Variants in NCBP1 observed in about 807,000 individuals in gnomAD.
The protein encoded by NCBP1 is nuclear cap-binding protein subunit 1.
A neutral mutation model predicts 111.7 loss-of-function variants in NCBP1; 16 were observed. The observed-to-expected ratio is 0.14, with a 90% CI of 0.10 to 0.22. The LOEUF (loss-of-function observed/expected upper bound fraction) is 0.22. NCBP1 is among the 10% of genes least tolerant of loss of function. The probability of loss-of-function intolerance (pLI) is 1.00; values close to 1 mark genes in which losing one functional copy is unlikely to be tolerated. For missense variants in NCBP1, 607 were observed against 957.5 expected, an observed-to-expected ratio of 0.63 and a Z score of 4.83; for synonymous variants, 304 against 314.3, an observed-to-expected ratio of 0.97 and a Z score of 0.35.
chr9:97,637,095 G>A (rs138406369), intron 1 of NCBP1, among the ~76,000 whole-genome samples: 1 of 152,270 alleles, frequency 6.6e-6, no homozygotes, highest in Admixed American at 6.5e-5. Flanking sequence ...GGGGGAAGTT[G>A]TAGGAGATAA....
At chr9:97,635,428 T>TTTTTTC (rs1826988838) in intron 1 of NCBP1, among the ~76,000 whole-genome samples, 1 of 148,142 alleles carries the variant, frequency 6.8e-6, no homozygotes, top group East Asian at 1.9e-4. Context: ...TTTTTTTTTT[T>TTTTTTC]CTGAGACGGA....
rs1338585549 is a variant in NCBP1 at position 97,640,900 on chromosome 9, C to T, written c.123+18C>T. ...GAGAAAAGGTATGTCACACAATAGG[C>T]ACAGGCTGTGATGGGTTTAAGAATG... On this transcript the variant is annotated intron_variant, in intron 2 of 22. Transcript: ENST00000375147. The T allele has an allele frequency of 4.5e-6, 7 of 1,543,850 alleles. No homozygotes were observed. In the East Asian group the frequency reaches 1.6e-4, roughly 35 times the overall value.
At chr9:97,641,823 CTCTTTT>C (rs1013285302) in intron 3 of NCBP1, 161 bp downstream of exon 3, 1 of 508,554 alleles carries the variant, frequency 2.0e-6, no homozygotes, top group African/African-American at 2.1e-5. Context: ...CTTTGGCGAA[CTCTTTT>C]TCTTAGGGAT....
chr9:97,636,488 ATATAAATTTATATTTATATAT>A (rs34147906), intron 1 of NCBP1, among the ~76,000 whole-genome samples: 80,165 of 143,352 alleles, frequency 0.56, 23,741 homozygotes, highest in Middle Eastern at 0.68. Context: ...TTTATATATT[ATATAAATTTATATTTATATAT>A]TATAAATTTA....
Position 97,668,857 on chromosome 9 carries a change from T to C in NCBP1, c.2028T>C (p.Asp676=), listed in dbSNP as rs999879920. ...LARQHKRRSD[D]DDRSSDRKDG... is the part of the protein sequence containing the mutation. ...TTTGCCTTCTATAGCGAAGTGATGA[T>C]GACGACAGAAGCAGTGACAGGAAAG... Residue 676 remains aspartate, a synonymous_variant, in exon 21 of 23, where the codon GAT becomes GAC. Transcript: ENST00000375147. 2.0e-5 allele frequency: 32 copies of C among 1,611,496 alleles called. No individual in the cohort carries two copies. Among genetic ancestry groups the C allele is most frequent in the East Asian group, 8.9e-5 (4 of 44,858 alleles).
At chr9:97,657,885 G>GCGCT (rs1554694967) in intron 14 of NCBP1, among the ~76,000 whole-genome samples, 94 of 113,996 alleles carry the variant, frequency 8.2e-4, no homozygotes, top group Middle Eastern at 5.3e-3. Flanking sequence ...GCCCCGGTAA[G>GCGCT]CTCTCTCTCT....
chr9:97,654,511 G>GA, intron 11 of NCBP1, among the ~76,000 whole-genome samples: 1 of 151,822 alleles, frequency 6.6e-6, no homozygotes, highest in African/African-American at 2.4e-5. Flanking sequence ...GATGCCATTG[G>GA]AAAAATGGTG....
In NCBP1 at chr9:97,663,119, T is replaced by C; in HGVS notation, c.1797+72T>C. The C allele has an allele frequency of 2.6e-6, 3 of 1,160,610 alleles. No homozygotes were observed. The South Asian group carries it at 4.1e-5, about 16-fold the overall frequency. 71.9% of individuals were successfully genotyped at this position (1,160,610 alleles called of 1,614,324 possible). On this transcript the variant is annotated intron_variant, in intron 18 of 22. Coordinates refer to ENST00000375147, the MANE Select transcript of NCBP1 (RefSeq NM_002486.5). ...ATAAAAATAAGGCCGTTAATTGCCA[T>C]TGTTTTGTTTGTAAAACATGAAATT...
In NCBP1 at chr9:97,673,323, C is replaced by T. The variant is rs966566334; in HGVS notation, c.*2124C>T. 6.6e-6 allele frequency: 1 copy of T among 152,040 alleles called. No homozygotes were observed. The highest frequency in any genetic ancestry group is 1.5e-5 in the Non-Finnish European group (1 of 68,006). 9.4% of individuals were successfully genotyped at this position (152,040 alleles called of 1,614,324 possible). ...GGGTCAACTGTAGTTTAAAATGACT[C>T]CTGTCTCAAAAAACCAAAGGATAAC... On this transcript the variant is annotated 3_prime_UTR_variant, in exon 23 of 23. Coordinates refer to ENST00000375147, the MANE Select transcript of NCBP1 (RefSeq NM_002486.5).
Position 97,650,491 on chromosome 9 carries a change from T to C in NCBP1, c.898-12T>C. The C allele has an allele frequency of 6.2e-7, 1 of 1,608,184 alleles. No individual in the cohort carries two copies. The highest frequency in any genetic ancestry group is 1.3e-5 in the African/African-American group (1 of 74,868). On this transcript the variant is annotated splice_polypyrimidine_tract_variant and intron_variant, in intron 8 of 22. Transcript: ENST00000375147. ...CTAGGCCTGTAGTGTACACATTTGG[T>C]TTTCTTTCCAGGGTCCTGTCATGCC... is the stretch of plus-strand genomic sequence containing the variant.
At chr9:97,663,565 ACCTCCG>A (rs1827901098) in intron 18 of NCBP1, among the ~76,000 whole-genome samples, 1 of 151,778 alleles carries the variant, frequency 6.6e-6, no homozygotes, top group African/African-American at 2.4e-5. Context: ...GCTCACTGCA[ACCTCCG>A]CCTCCCGGGT....
intron 6 of NCBP1, among the ~76,000 whole-genome samples, chr9:97,646,293 A>G (rs1199781156): frequency 1.3e-5 from 2 of 152,152 alleles, no homozygotes; most frequent in Non-Finnish European, 2.9e-5. Flanking sequence ...ATGTCTTCCC[A>G]TTACTCATCT....
intron 1 of NCBP1, 133 bp from the exon 2 acceptor site, chr9:97,640,661 G>A (rs551676757): frequency 4.6e-4 from 287 of 627,904 alleles, no homozygotes; most frequent in Non-Finnish European, 6.8e-4. Context: ...GAGAAATGGA[G>A]GGTCTGTGAA....
chr9:97,638,029 TCTTGC>T (rs943356123), intron 1 of NCBP1, among the ~76,000 whole-genome samples: 23 of 152,340 alleles, frequency 1.5e-4, no homozygotes, highest in African/African-American at 5.5e-4. Context: ...AAAAATCTGT[TCTTGC>T]CTTGGGAACT....
intron 6 of NCBP1, among the ~76,000 whole-genome samples, chr9:97,645,954 A>C (rs996146296): frequency 6.6e-6 from 1 of 152,242 alleles, no homozygotes; most frequent in African/African-American, 2.4e-5. Context: ...AGCTTCTTTT[A>C]AGCTGCTTTT....
intron 6 of NCBP1, among the ~76,000 whole-genome samples, chr9:97,646,562 G>C (rs747088734): frequency 6.6e-6 from 1 of 152,046 alleles, no homozygotes. Flanking sequence ...TTGGCCGGGC[G>C]CAGTGGCTCA....
Position 97,673,725 on chromosome 9 carries a change from T to A in NCBP1, c.*2526T>A, listed in dbSNP as rs1227501086. On this transcript the variant is annotated 3_prime_UTR_variant, in exon 23 of 23. Coordinates refer to ENST00000375147, the MANE Select transcript of NCBP1 (RefSeq NM_002486.5). ...TTCTGTTAAATTGTGCTGGTGCAAT[T>A]TAACATGCTTTTGTCAAAGTAAACA... The A allele has an allele frequency of 6.6e-6, 1 of 152,196 alleles. No individual in the cohort carries two copies. Among genetic ancestry groups the A allele is most frequent in the African/African-American group, 2.4e-5 (1 of 41,442 alleles). The allele number at this position is 152,196 out of a possible 1,614,324, so 9.4% of individuals were successfully genotyped here.
At chr9:97,647,603 T>C (rs1400156923) in intron 7 of NCBP1, 42 bp downstream of exon 7, 1 of 1,471,428 alleles carries the variant, frequency 6.8e-7, no homozygotes, top group Non-Finnish European at 9.5e-7. Context: ...CACAGTCAGC[T>C]CTTGAATAGA....
At chr9:97,650,467 T>C in intron 8 of NCBP1, 36 bp from the exon 9 acceptor site, 1 of 1,453,152 alleles carries the variant, frequency 6.9e-7, no homozygotes, top group Non-Finnish European at 9.5e-7. Flanking sequence ...ATCTGTTTTC[T>C]AGGCCTGTAG....
Sources: allele counts gnomAD v4.1 joint callset (sites outside exome capture counted in the v4.1 genomes callset), GRCh38; gene constraint gnomAD v4.1.1; transcripts MANE v1.5; gene names NCBI Gene and HGNC (gene_info 2026-07-23, HGNC 2026-07-21).